Variants in EPHA6 observed in about 807,000 individuals in gnomAD.
EPHA6 encodes EPH receptor A6, also known as ephrin type-A receptor 6.
EPHA6 carries 50 observed loss-of-function variants against 112.0 expected under a neutral mutation model. The ratio of observed to expected loss-of-function variants is 0.45; its 90% CI spans 0.36 to 0.56. The LOEUF (loss-of-function observed/expected upper bound fraction) is 0.56. EPHA6 is among the 20% of genes least tolerant of loss of function. The probability of loss-of-function intolerance (pLI) is 0.00; values close to 1 mark genes in which losing one functional copy is unlikely to be tolerated. For missense variants in EPHA6, 1,280 were observed against 1,417.4 expected (o/e 0.90, Z 1.56); for synonymous variants, 529 against 490.7 (o/e 1.08, Z -1.03).
intron 14 of EPHA6, among the ~76,000 whole-genome samples, chr3:97,703,038 A>G (rs1429403141): frequency 6.6e-6 from 1 of 152,198 alleles, no homozygotes; most frequent in Non-Finnish European, 1.5e-5. Context: ...AGGGCTCATG[A>G]GAAAGAAAGA....
chr3:97,355,336 T>G (rs1007197537), intron 5 of EPHA6, among the ~76,000 whole-genome samples: 1 of 152,086 alleles, frequency 6.6e-6, no homozygotes, highest in East Asian at 1.9e-4. Context: ...TAATAAGATA[T>G]AAATAGAAAC....
intron 5 of EPHA6, among the ~76,000 whole-genome samples, chr3:97,400,149 T>G (rs2086910318): frequency 4.0e-5 from 6 of 151,798 alleles, no homozygotes; most frequent in African/African-American, 1.2e-4. Flanking sequence ...AGTTTCATTT[T>G]CTGCATGTGG....
chr3:96,981,969 C>T (rs926418119), intron 2 of EPHA6, among the ~76,000 whole-genome samples: 39 of 152,112 alleles, frequency 2.6e-4, no homozygotes, highest in African/African-American at 6.0e-4. Flanking sequence ...GTCCTGCTAG[C>T]GGTCTATCAA....
intron 16 of EPHA6, among the ~76,000 whole-genome samples, chr3:97,746,098 C>G (rs372934288): frequency 2.0e-5 from 3 of 151,774 alleles, no homozygotes; most frequent in South Asian, 4.1e-4. Flanking sequence ...ATCTATGGCT[C>G]TAATTGTCTT....
chr3:96,987,146 T>C (rs2043052494), intron 2 of EPHA6, among the ~76,000 whole-genome samples, 184 bp from the exon 3 acceptor site: 1 of 152,220 alleles, frequency 6.6e-6, no homozygotes, highest in Admixed American at 6.5e-5. Flanking sequence ...CAGCTGATTC[T>C]AGAACCTGTA....
intron 3 of EPHA6, among the ~76,000 whole-genome samples, chr3:97,018,899 G>A (rs534264862): frequency 1.0e-3 from 153 of 152,232 alleles, no homozygotes; most frequent in Non-Finnish European, 1.8e-3. Flanking sequence ...GGCAACGGGC[G>A]TCTTCCCAGA....
chr3:97,659,692 T>C (rs762901887), intron 14 of EPHA6, among the ~76,000 whole-genome samples: 3 of 152,134 alleles, frequency 2.0e-5, no homozygotes, highest in East Asian at 3.9e-4. Flanking sequence ...TTCTTTTGTA[T>C]TGGGAAAGTT....
intron 5 of EPHA6, among the ~76,000 whole-genome samples, chr3:97,383,971 A>C (rs1028132745): frequency 6.6e-5 from 10 of 152,204 alleles, no homozygotes; most frequent in East Asian, 1.9e-4. Flanking sequence ...TTTGGGAAAT[A>C]TTTGACAAAA....
chr3:96,987,835 A>C lies in EPHA6; in HGVS notation c.956A>C (p.Asp319Ala). Residue 319 changes from aspartate (D) to alanine (A), a missense_variant, in exon 3 of 18, where the codon GAT becomes GCT. This residue lies in a region of EPHA6 where 878 missense variants were observed against 999.7 expected (regional missense o/e 0.88). Transcript: ENST00000389672. The part of the protein sequence containing the change: ...AMFPDTIPRV[D>A]SSSLVEVRGS... ...TTTCCTGATACCATTCCAAGGGTTGATTCCTCCTCTTTGGTTGAAGTACGG... is the reference window on the plus strand; with the variant it reads ...TTTCCTGATACCATTCCAAGGGTTGCTTCCTCCTCTTTGGTTGAAGTACGG... The C allele has an allele frequency of 6.2e-7, 1 of 1,613,876 alleles. No homozygotes were observed.
chr3:97,416,015 AT>A, intron 6 of EPHA6, among the ~76,000 whole-genome samples: 2 of 152,176 alleles, frequency 1.3e-5, no homozygotes, highest in East Asian at 3.9e-4. Flanking sequence ...AATTGTCAGA[AT>A]TTTTTGGACC....
intron 13 of EPHA6, among the ~76,000 whole-genome samples, chr3:97,632,941 C>T (rs906469985): frequency 1.6e-4 from 25 of 152,052 alleles, no homozygotes; most frequent in African/African-American, 6.0e-4. Context: ...CAGCCTGGCA[C>T]TCAGATCCTA....
intron 2 of EPHA6, among the ~76,000 whole-genome samples, chr3:96,974,368 T>C (rs2042437769): frequency 6.6e-6 from 1 of 150,448 alleles, no homozygotes; most frequent in African/African-American, 2.4e-5. Context: ...GTAAATTATA[T>C]ATGTCATTAT....
At chr3:97,241,849 GA>G (rs1264650039) in intron 4 of EPHA6, among the ~76,000 whole-genome samples, 9 of 145,684 alleles carry the variant, frequency 6.2e-5, no homozygotes, top group Non-Finnish European at 1.2e-4. Flanking sequence ...ATTCTTCCTA[GA>G]ATGAAAATAT....
intron 2 of EPHA6, among the ~76,000 whole-genome samples, chr3:96,905,277 A>C (rs188867456): frequency 6.6e-6 from 1 of 152,194 alleles, no homozygotes; most frequent in East Asian, 1.9e-4. Context: ...TTTCTTCTCT[A>C]TAAAAAAGGT....
intron 5 of EPHA6, among the ~76,000 whole-genome samples, chr3:97,384,640 G>A (rs1169948097): frequency 6.6e-6 from 1 of 152,102 alleles, no homozygotes; most frequent in Non-Finnish European, 1.5e-5. Context: ...ACTTTTGAAA[G>A]GTTAATCTAA....
chr3:96,883,299 T>C (rs1340941672), intron 2 of EPHA6, among the ~76,000 whole-genome samples: 1 of 152,192 alleles, frequency 6.6e-6, no homozygotes, highest in East Asian at 1.9e-4. Flanking sequence ...TTTAAGTTTG[T>C]TGTAGATTCT....
chr3:96,984,517 G>T (rs1247219616), intron 2 of EPHA6, among the ~76,000 whole-genome samples: 2 of 152,086 alleles, frequency 1.3e-5, no homozygotes, highest in East Asian at 3.9e-4. Flanking sequence ...CACTTGAGGA[G>T]GCAGTCTGTC....
intron 1 of EPHA6, among the ~76,000 whole-genome samples, chr3:96,831,047 C>G (rs1228992404): frequency 6.6e-6 from 1 of 151,960 alleles, no homozygotes; most frequent in African/African-American, 2.4e-5. Context: ...ATTTTATTTG[C>G]TGATTTAAGA....
At chr3:97,596,551 C>T (rs2093592320) in intron 12 of EPHA6, among the ~76,000 whole-genome samples, 1 of 151,812 alleles carries the variant, frequency 6.6e-6, no homozygotes, top group Non-Finnish European at 1.5e-5. Context: ...TATCTGACAT[C>T]ATATGGTATC....
Sources: gnomAD v4.1 joint callset for allele counts (sites outside exome capture counted in the v4.1 genomes callset) on GRCh38, gnomAD v4.1.1 for gene constraint, gnomAD v4.1.1 regional missense constraint, MANE v1.5 for transcripts, NCBI Gene and HGNC (gene_info 2026-07-23, HGNC 2026-07-21) for gene names.